The following SND1 variants were observed in gnomAD, a reference collection of about 807,000 sequenced individuals.
SND1 encodes the protein staphylococcal nuclease and tudor domain containing 1, also known as staphylococcal nuclease domain-containing protein 1.
SND1 carries 38 observed loss-of-function variants against 121.7 expected under a neutral mutation model. That is an observed-to-expected ratio of 0.31 (90% CI 0.24 to 0.41). SND1 has a LOEUF of 0.41. Ranked by LOEUF, SND1 falls within the 10% of genes least tolerant of loss-of-function variation. The probability of loss-of-function intolerance (pLI) is 1.00; values close to 1 mark genes in which losing one functional copy is unlikely to be tolerated. For missense variants in SND1, 868 were observed against 1,184.6 expected (o/e 0.73, Z 3.92); for synonymous variants, 401 against 447.4 (o/e 0.90, Z 1.31).
At chr7:127,946,389 A>G (rs1028400222) in intron 15 of SND1, among the ~76,000 whole-genome samples, 13 of 152,196 alleles carry the variant, frequency 8.5e-5, no homozygotes, top group African/African-American at 3.1e-4. Flanking sequence ...AATGGGCCCT[A>G]TGCAACCCTT....
At chr7:127,811,575 T>C (rs2116584121) in intron 11 of SND1, among the ~76,000 whole-genome samples, 1 of 152,288 alleles carries the variant, frequency 6.6e-6, no homozygotes, top group South Asian at 2.1e-4. Flanking sequence ...ACCTTGCTTA[T>C]ATCTCGTCTA....
intron 18 of SND1, among the ~76,000 whole-genome samples, chr7:128,082,895 TAGAG>T (rs1426521720): frequency 1.3e-5 from 2 of 152,208 alleles, no homozygotes; most frequent in East Asian, 3.9e-4. Flanking sequence ...CCTGAAGTCT[TAGAG>T]AGCAGAAATC....
chr7:128,077,199 C>A (rs1422528778), intron 17 of SND1, among the ~76,000 whole-genome samples: 9 of 152,324 alleles, frequency 5.9e-5, no homozygotes, highest in African/African-American at 2.2e-4. Context: ...TGGAGCCTTG[C>A]AAGCAGCAAT....
chr7:127,875,802 G>A (rs1018757543), intron 12 of SND1, among the ~76,000 whole-genome samples: 2 of 152,260 alleles, frequency 1.3e-5, no homozygotes, highest in Admixed American at 6.5e-5. Context: ...AAAAATGGAT[G>A]AGAGTTGTGT....
intron 12 of SND1, among the ~76,000 whole-genome samples, chr7:127,879,215 ATTTCT>A (rs1477886311): frequency 1.3e-5 from 2 of 152,014 alleles, no homozygotes; most frequent in Non-Finnish European, 1.5e-5. Context: ...CCCTTTAGAG[ATTTCT>A]TTTGTCAGCT....
chr7:127,936,435 A>G (rs1801064398), intron 15 of SND1, among the ~76,000 whole-genome samples: 1 of 151,886 alleles, frequency 6.6e-6, no homozygotes, highest in South Asian at 2.1e-4. Context: ...TTCACTTGTC[A>G]TGTGTGTCCC....
chr7:127,891,291 G>A (rs1800005151), intron 13 of SND1, among the ~76,000 whole-genome samples: 1 of 152,104 alleles, frequency 6.6e-6, no homozygotes. Context: ...CGGGAATGCA[G>A]TGGCACAATC....
At chr7:127,773,311 GTGTGGTGGCGCACGCC>G (rs1797550461) in intron 10 of SND1, among the ~76,000 whole-genome samples, 1 of 150,948 alleles carries the variant, frequency 6.6e-6, no homozygotes, top group Admixed American at 6.6e-5. Context: ...AATTAGCAAG[GTGTGGTGGCGCACGCC>G]TGTAGTCCCA....
chr7:127,675,778 C>CT (rs1795604860), intron 1 of SND1, among the ~76,000 whole-genome samples: 2 of 152,172 alleles, frequency 1.3e-5, no homozygotes, highest in African/African-American at 2.4e-5. Context: ...GAAAGATTTT[C>CT]TTTCGACAGC....
At chr7:127,828,199 G>A (rs964658564) in intron 11 of SND1, among the ~76,000 whole-genome samples, 4 of 151,876 alleles carry the variant, frequency 2.6e-5, no homozygotes, top group African/African-American at 4.8e-5. Context: ...GTTTCACCAC[G>A]TTGGCCAGGC....
At chr7:127,794,331 A>G (rs1261378973) in intron 10 of SND1, among the ~76,000 whole-genome samples, 2 of 152,216 alleles carry the variant, frequency 1.3e-5, no homozygotes, top group Admixed American at 6.5e-5. Context: ...GCACTTACAT[A>G]ATTCAGTCTT....
chr7:127,954,317 T>TC (rs1022085875), intron 15 of SND1, among the ~76,000 whole-genome samples: 7 of 152,012 alleles, frequency 4.6e-5, no homozygotes, highest in African/African-American at 1.4e-4. Context: ...CTATCTTTAC[T>TC]CCCCCCAAAA....
chr7:127,961,182 A>T (rs974057347), intron 15 of SND1, among the ~76,000 whole-genome samples: 2 of 152,246 alleles, frequency 1.3e-5, no homozygotes, highest in African/African-American at 4.8e-5. Flanking sequence ...AAATGTATAA[A>T]TAATGTAAAA....
chr7:128,025,397 TC>T (rs1803452810), intron 16 of SND1, among the ~76,000 whole-genome samples: 4 of 99,914 alleles, frequency 4.0e-5, no homozygotes, highest in Non-Finnish European at 8.1e-5. Flanking sequence ...GGGCTCAGTT[TC>T]TTTGACTGTA....
At chr7:127,715,021 G>A (rs1348948025) in intron 9 of SND1, among the ~76,000 whole-genome samples, 1 of 152,282 alleles carries the variant, frequency 6.6e-6, no homozygotes, top group Non-Finnish European at 1.5e-5. Flanking sequence ...ACCCAAAAAT[G>A]GAATTGCTGG....
At chr7:127,857,394 G>C (rs1414883526) in intron 12 of SND1, among the ~76,000 whole-genome samples, 1 of 147,860 alleles carries the variant, frequency 6.8e-6, no homozygotes, top group Non-Finnish European at 1.5e-5. Flanking sequence ...AAGCAGAGAC[G>C]GGGTTTCACC....
At chr7:127,998,293 A>T (rs1353133931) in intron 16 of SND1, 8 of 245,450 alleles carry the variant, frequency 3.3e-5, no homozygotes, top group Non-Finnish European at 6.6e-5. Flanking sequence ...TCAGCTTATC[A>T]TTGAAAAAGT....
chr7:127,995,314 A>G (rs1010840470), intron 16 of SND1, among the ~76,000 whole-genome samples: 3 of 152,222 alleles, frequency 2.0e-5, no homozygotes, highest in African/African-American at 7.2e-5. Flanking sequence ...GCTGAGTGCC[A>G]TGTCCCATTG....
At chr7:127,698,578 C>G (rs1796048242) in intron 3 of SND1, among the ~76,000 whole-genome samples, 1 of 152,146 alleles carries the variant, frequency 6.6e-6, no homozygotes, top group South Asian at 2.1e-4. Context: ...CTGTGTGTGT[C>G]TTGCTTTCTT....
Sources: allele counts gnomAD v4.1 joint callset (sites outside exome capture counted in the v4.1 genomes callset), GRCh38; gene constraint gnomAD v4.1.1; transcripts MANE v1.5; gene names NCBI Gene and HGNC (gene_info 2026-07-23, HGNC 2026-07-21).